MYO16: variants seen among roughly 807,000 people sequenced by gnomAD.
MYO16 encodes the protein myosin XVI.
A neutral mutation model predicts 205.3 loss-of-function variants in MYO16; 94 were observed. The observed-to-expected ratio is 0.46, with a 90% CI of 0.39 to 0.54. The LOEUF is 0.54. Ranked by LOEUF, MYO16 falls within the 20% of genes least tolerant of loss-of-function variation. The pLI, the probability that MYO16 is intolerant of heterozygous loss-of-function variation, is 0.00. For missense variants in MYO16, 2,315 were observed against 2,387.5 expected (o/e 0.97, Z 0.63); for synonymous variants, 988 against 954.0 (o/e 1.04, Z -0.66).
intron 4 of MYO16, among the ~76,000 whole-genome samples, chr13:108,771,989 T>C (rs574973993): frequency 6.6e-6 from 1 of 152,290 alleles, no homozygotes; most frequent in South Asian, 2.1e-4. Context: ...GATGTAAGTT[T>C]TCAACTCCTT....
At chr13:108,733,427 G>A (rs1339788565) in intron 4 of MYO16, among the ~76,000 whole-genome samples, 3 of 152,158 alleles carry the variant, frequency 2.0e-5, no homozygotes, top group Admixed American at 6.5e-5. Flanking sequence ...AAATCTACAT[G>A]CTGAAGTCCA....
intron 21 of MYO16, among the ~76,000 whole-genome samples, chr13:109,003,503 G>A (rs975992229): frequency 3.3e-5 from 5 of 152,162 alleles, no homozygotes; most frequent in Admixed American, 1.3e-4. Context: ...AAATTGGGTT[G>A]CTCTATCCAG....
the MYO16 span, among the ~76,000 whole-genome samples, chr13:108,567,106 A>G: frequency 6.6e-6 from 1 of 152,182 alleles, no homozygotes; most frequent in Non-Finnish European, 1.5e-5. Flanking sequence ...AACTGTAGGA[A>G]TTTGTTTGCC....
intron 32 of MYO16, among the ~76,000 whole-genome samples, chr13:109,159,671 G>T (rs762691242): frequency 6.6e-6 from 1 of 152,194 alleles, no homozygotes; most frequent in Non-Finnish European, 1.5e-5. Flanking sequence ...ACTAAAGCAA[G>T]GAGTGGGGAC....
At chr13:109,147,486 G>A (rs775754594) in intron 32 of MYO16, among the ~76,000 whole-genome samples, 1 of 152,224 alleles carries the variant, frequency 6.6e-6, no homozygotes, top group East Asian at 1.9e-4. Flanking sequence ...CTGACACATC[G>A]AAACGAGACT....
chr13:108,805,153 T>C (rs570865232), intron 6 of MYO16, among the ~76,000 whole-genome samples: 1 of 152,312 alleles, frequency 6.6e-6, no homozygotes, highest in Admixed American at 6.5e-5. Context: ...AATAGATCAA[T>C]TCTCTAGGAG....
intron 16 of MYO16, among the ~76,000 whole-genome samples, chr13:108,952,350 A>G (rs556699692): frequency 6.6e-6 from 1 of 152,296 alleles, no homozygotes; most frequent in South Asian, 2.1e-4. Context: ...CCTAAGCTTG[A>G]GAGACACTGG....
the MYO16 span, among the ~76,000 whole-genome samples, chr13:108,544,596 A>G: frequency 6.6e-6 from 1 of 152,190 alleles, no homozygotes; most frequent in Non-Finnish European, 1.5e-5. Flanking sequence ...AGTTATACCT[A>G]TCTAACTTTC....
chr13:108,714,792 A>G (rs1594234471), intron 3 of MYO16, among the ~76,000 whole-genome samples: 1 of 152,146 alleles, frequency 6.6e-6, no homozygotes, highest in East Asian at 1.9e-4. Flanking sequence ...CTGACTTTTA[A>G]TGAACACATA....
At chr13:108,669,880 A>G (rs1566540546) in intron 2 of MYO16, among the ~76,000 whole-genome samples, 1 of 152,138 alleles carries the variant, frequency 6.6e-6, no homozygotes, top group Non-Finnish European at 1.5e-5. Context: ...CAATGAGAAC[A>G]CACGGACACA....
At chr13:109,110,310 A>AT (rs1889246423) in intron 28 of MYO16, among the ~76,000 whole-genome samples, 1 of 152,240 alleles carries the variant, frequency 6.6e-6, no homozygotes, top group Non-Finnish European at 1.5e-5. Flanking sequence ...ACTCTTGACC[A>AT]TATCAATATG....
chr13:108,950,047 A>G (rs9521108), intron 16 of MYO16, among the ~76,000 whole-genome samples: 98,062 of 151,940 alleles, frequency 0.65, 36,205 homozygotes, highest in Non-Finnish European at 0.84. Context: ...AAAAATCAAG[A>G]TGATCAGAGA....
chr13:108,610,390 T>C (rs1490694714), intron 1 of MYO16, among the ~76,000 whole-genome samples: 2 of 152,202 alleles, frequency 1.3e-5, no homozygotes, highest in African/African-American at 4.8e-5. Context: ...CTAGACATTT[T>C]TTCTTGTACT....
At chr13:109,173,318 CAAT>C (rs1878995091) in intron 33 of MYO16, among the ~76,000 whole-genome samples, 1 of 152,024 alleles carries the variant, frequency 6.6e-6, no homozygotes, top group Non-Finnish European at 1.5e-5. Context: ...AGGCAGTCAG[CAAT>C]AATGTCAAAT....
chr13:108,544,945 T>C, the MYO16 span, among the ~76,000 whole-genome samples: 10 of 152,210 alleles, frequency 6.6e-5, no homozygotes, highest in Non-Finnish European at 1.0e-4. Context: ...CACTCGTTTT[T>C]AATGGCTGAA....
In MYO16 at chr13:108,755,625, C is replaced by T. The variant is rs1167248783; in HGVS notation, c.507+28042C>T. ...TTAGTAATATTTATGATTGGTGTTT[C>T]GTTCAAATGTAGTGACACTATATTT... On this transcript the variant is annotated intron_variant, in intron 4 of 34. Transcript: ENST00000457511. Among the ~76,000 whole-genome samples the T allele has an allele frequency of 5.3e-5, 8 of 150,410 alleles. No homozygotes were observed. In the South Asian group the frequency reaches 1.5e-3, roughly 28 times the overall value.
chr13:109,205,638 T>G (rs1880567604), intron 34 of MYO16, among the ~76,000 whole-genome samples: 1 of 152,162 alleles, frequency 6.6e-6, no homozygotes, highest in Admixed American at 6.5e-5. Flanking sequence ...AATTGATATC[T>G]GCAATGTCCA....
At chr13:109,060,078 C>T (rs751843756) in intron 27 of MYO16, among the ~76,000 whole-genome samples, 9 of 152,100 alleles carry the variant, frequency 5.9e-5, no homozygotes, top group Non-Finnish European at 1.3e-4. Flanking sequence ...GACAATATGG[C>T]AATTCCTCAA....
At chr13:108,503,567 T>A in the MYO16 span, among the ~76,000 whole-genome samples, 1 of 152,134 alleles carries the variant, frequency 6.6e-6, no homozygotes, top group East Asian at 1.9e-4. Flanking sequence ...GTTAATCCCA[T>A]GCCAGGAGAC....
Sources: gnomAD v4.1 joint callset for allele counts (sites outside exome capture counted in the v4.1 genomes callset) on GRCh38, gnomAD v4.1.1 for gene constraint, MANE v1.5 for transcripts, NCBI Gene and HGNC (gene_info 2026-07-23, HGNC 2026-07-21) for gene names.